Variants in GRID2 observed in about 807,000 individuals in gnomAD.
The protein encoded by GRID2 is glutamate ionotropic receptor delta type subunit 2.
GRID2 carries 33 observed loss-of-function variants against 114.8 expected under a neutral mutation model. The ratio of observed to expected loss-of-function variants is 0.29; its 90% CI spans 0.22 to 0.38. The LOEUF (loss-of-function observed/expected upper bound fraction) is 0.38, where lower values mean the gene tolerates loss of function less well. Ranked by LOEUF, GRID2 falls within the 10% of genes least tolerant of loss-of-function variation. The probability of loss-of-function intolerance (pLI) is 1.00; values close to 1 mark genes in which losing one functional copy is unlikely to be tolerated. For missense variants in GRID2, 1,184 were observed against 1,257.7 expected (o/e 0.94, Z 0.89); for synonymous variants, 505 against 449.9 (o/e 1.12, Z -1.55).
intron 2 of GRID2, among the ~76,000 whole-genome samples, chr4:92,805,359 G>T (rs1409139670): frequency 2.6e-5 from 4 of 151,752 alleles, no homozygotes; most frequent in South Asian, 4.2e-4. Flanking sequence ...TCTCTTTTTG[G>T]TGTTAATAGA....
intron 5 of GRID2, among the ~76,000 whole-genome samples, chr4:93,214,021 A>G (rs1743896446): frequency 6.6e-6 from 1 of 152,114 alleles, no homozygotes; most frequent in Non-Finnish European, 1.5e-5. Context: ...TGTTATTGCA[A>G]TGTTAATTCT....
At chr4:92,974,453 A>G (rs1449419478) in intron 2 of GRID2, among the ~76,000 whole-genome samples, 1 of 152,150 alleles carries the variant, frequency 6.6e-6, no homozygotes, top group Non-Finnish European at 1.5e-5. Context: ...TCCATCAATG[A>G]TAGACTGGAT....
chr4:92,718,174 A>AT (rs1735636747), intron 2 of GRID2, among the ~76,000 whole-genome samples: 1 of 152,090 alleles, frequency 6.6e-6, no homozygotes, highest in South Asian at 2.1e-4. Flanking sequence ...ATTTGAGACT[A>AT]TTTTGCAAGA....
intron 1 of GRID2, among the ~76,000 whole-genome samples, chr4:92,439,684 T>G (rs75763794): frequency 6.9e-6 from 1 of 145,520 alleles, no homozygotes; most frequent in Admixed American, 6.9e-5. Context: ...ATTGAAAAAC[T>G]AAATGGAATA....
chr4:92,875,351 A>G (rs547682742), intron 2 of GRID2, among the ~76,000 whole-genome samples: 51 of 152,042 alleles, frequency 3.4e-4, no homozygotes, highest in African/African-American at 1.1e-3. Flanking sequence ...TTTTTAGTAG[A>G]GACGGGGTTT....
At chr4:92,957,293 A>G (rs1355608906) in intron 2 of GRID2, among the ~76,000 whole-genome samples, 1 of 151,878 alleles carries the variant, frequency 6.6e-6, no homozygotes, top group African/African-American at 2.4e-5. Context: ...TGCATTTTGC[A>G]TTTAGGCCTG....
intron 2 of GRID2, among the ~76,000 whole-genome samples, chr4:93,067,434 G>T (rs921085546): frequency 6.6e-6 from 1 of 151,942 alleles, no homozygotes; most frequent in Non-Finnish European, 1.5e-5. Context: ...GTTCTGTTAT[G>T]GTGGAAGGAG....
At chr4:93,375,685 G>T (rs1579870389) in intron 8 of GRID2, among the ~76,000 whole-genome samples, 3 of 152,250 alleles carry the variant, frequency 2.0e-5, no homozygotes, top group Middle Eastern at 6.8e-3. Flanking sequence ...CTTTTTGGAG[G>T]ATGCTGTAGA....
intron 2 of GRID2, among the ~76,000 whole-genome samples, chr4:92,831,435 A>G (rs1742092767): frequency 6.6e-6 from 1 of 152,146 alleles, no homozygotes; most frequent in Non-Finnish European, 1.5e-5. Flanking sequence ...CAGCTGTAGT[A>G]TAAAGTTAAA....
chr4:92,873,802 C>T (rs1745443482), intron 2 of GRID2, among the ~76,000 whole-genome samples: 1 of 152,260 alleles, frequency 6.6e-6, no homozygotes, highest in East Asian at 1.9e-4. Flanking sequence ...GCAACTTCCA[C>T]CTCCTGGGTT....
At chr4:93,507,202 T>C (rs1338828204) in intron 12 of GRID2, among the ~76,000 whole-genome samples, 1 of 151,928 alleles carries the variant, frequency 6.6e-6, no homozygotes, top group South Asian at 2.1e-4. Context: ...ACATCAGGAG[T>C]CCTTTTTATC....
intron 8 of GRID2, among the ~76,000 whole-genome samples, chr4:93,296,393 T>C (rs1014128675): frequency 4.0e-5 from 6 of 149,858 alleles, no homozygotes; most frequent in African/African-American, 1.5e-4. Flanking sequence ...AAAGATAACT[T>C]ATGGTTCCAC....
intron 2 of GRID2, among the ~76,000 whole-genome samples, chr4:93,078,569 G>C (rs1729549366): frequency 6.7e-6 from 1 of 150,194 alleles, no homozygotes; most frequent in African/African-American, 2.4e-5. Context: ...AAAAAGATAG[G>C]AGATTGATCT....
At chr4:93,501,744 C>T (rs1409252991) in intron 12 of GRID2, among the ~76,000 whole-genome samples, 2 of 152,096 alleles carry the variant, frequency 1.3e-5, no homozygotes, top group Admixed American at 6.6e-5. Flanking sequence ...ACTCTGTTTA[C>T]ACTGAGCTCA....
At chr4:92,487,031 T>G (rs1440529684) in intron 1 of GRID2, among the ~76,000 whole-genome samples, 1 of 152,028 alleles carries the variant, frequency 6.6e-6, no homozygotes, top group Non-Finnish European at 1.5e-5. Context: ...ATGTCTCTTT[T>G]ATTTCTGATA....
chr4:92,460,032 C>CTATATATATATATATATA (rs373743453), intron 1 of GRID2, among the ~76,000 whole-genome samples: 3,346 of 48,042 alleles, frequency 0.07, 508 homozygotes, highest in Non-Finnish European at 0.089. Flanking sequence ...ATAAATCTCA[C>CTATATATATATATATATA]TATATATATA....
At chr4:93,679,466 A>G (rs1490171438) in intron 14 of GRID2, among the ~76,000 whole-genome samples, 1 of 150,932 alleles carries the variant, frequency 6.6e-6, no homozygotes, top group Admixed American at 6.6e-5. Flanking sequence ...CCAAATCAAC[A>G]GAATATACAT....
intron 1 of GRID2, among the ~76,000 whole-genome samples, chr4:92,335,278 CT>C (rs1364950732): frequency 6.6e-6 from 1 of 152,118 alleles, no homozygotes; most frequent in Non-Finnish European, 1.5e-5. Context: ...AATCCCAATC[CT>C]TTTAGACACT....
At chr4:93,070,469 CT>C (rs1484802331) in intron 2 of GRID2, among the ~76,000 whole-genome samples, 3 of 151,904 alleles carry the variant, frequency 2.0e-5, no homozygotes, top group Non-Finnish European at 2.9e-5. Context: ...GCATTTTATG[CT>C]AAGTGAAATG....
Sources: allele counts gnomAD v4.1 joint callset (sites outside exome capture counted in the v4.1 genomes callset), GRCh38; gene constraint gnomAD v4.1.1; transcripts MANE v1.5; gene names NCBI Gene and HGNC (gene_info 2026-07-23, HGNC 2026-07-21).